Variants in ANXA4 observed in about 807,000 individuals in gnomAD.
ANXA4 encodes the protein 35-beta calcimedin.
In ANXA4, 39 loss-of-function variants were observed where a neutral mutation model predicts 49.8. The observed-to-expected ratio is 0.78, with a 90% CI of 0.61 to 1.02. The LOEUF (loss-of-function observed/expected upper bound fraction) is 1.02, where lower values mean the gene tolerates loss of function less well. Among genes scored for constraint, ANXA4 ranks in the 50% least tolerant of loss-of-function variants. The pLI, the probability that ANXA4 is intolerant of heterozygous loss-of-function variation, is 0.00. For synonymous variants in ANXA4, 134 were observed against 152.5 expected (o/e 0.88, Z 0.89); for missense variants, 360 against 410.1 (o/e 0.88, Z 1.05).
chr2:69,668,115 G>A (rs1033326899), intron 2 of ANXA4, among the ~76,000 whole-genome samples: 2 of 152,116 alleles, frequency 1.3e-5, no homozygotes, highest in Non-Finnish European at 2.9e-5. Context: ...GTGTGGAGCC[G>A]GGTAGCCTTT....
intron 1 of ANXA4, among the ~76,000 whole-genome samples, chr2:69,777,351 C>G (rs116774442): frequency 0.01 from 1,587 of 152,318 alleles, 35 homozygotes; most frequent in African/African-American, 0.036. Context: ...AATTCCAACT[C>G]TTTAATCACA....
chr2:69,810,110 G>A (rs1217235152), intron 6 of ANXA4: 2 of 155,550 alleles, frequency 1.3e-5, no homozygotes, highest in African/African-American at 4.8e-5. Context: ...TACAATCCCA[G>A]AACTTTGGGA....
At chr2:69,663,291 GCCTTTTTTTT>G (rs1331985092) in intron 2 of ANXA4, among the ~76,000 whole-genome samples, 16 of 65,500 alleles carry the variant, frequency 2.4e-4, no homozygotes, top group African/African-American at 1.0e-3. Flanking sequence ...AATGCACCCG[GCCTTTTTTTT>G]TTTTTTTTTT....
At chr2:69,705,592 A>G (rs1245163815) in intron 2 of ANXA4, among the ~76,000 whole-genome samples, 1 of 152,236 alleles carries the variant, frequency 6.6e-6, no homozygotes, top group South Asian at 2.1e-4. Context: ...AGTTGTTAAC[A>G]TATTAACACT....
intron 2 of ANXA4, among the ~76,000 whole-genome samples, chr2:69,699,282 A>G (rs1678257692): frequency 6.6e-6 from 1 of 152,174 alleles, no homozygotes; most frequent in Non-Finnish European, 1.5e-5. Context: ...GTGCACTCAG[A>G]GAAGGGAGTT....
chr2:69,787,422 T>C (rs985299558), intron 2 of ANXA4, among the ~76,000 whole-genome samples: 2 of 152,264 alleles, frequency 1.3e-5, no homozygotes, highest in African/African-American at 4.8e-5. Flanking sequence ...TTTTAAGTGC[T>C]GTGTCTGAGA....
intron 12 of ANXA4, among the ~76,000 whole-genome samples, chr2:69,821,678 C>A (rs1322155357): frequency 6.6e-6 from 1 of 152,082 alleles, no homozygotes; most frequent in African/African-American, 2.4e-5. Context: ...TCTTGAACTC[C>A]TGACCTCAAG....
At chr2:69,820,966 T>A (rs1014110435) in intron 12 of ANXA4, 145 bp downstream of exon 12, 7 of 943,022 alleles carry the variant, frequency 7.4e-6, no homozygotes, top group African/African-American at 1.7e-5. Context: ...GTCTCTCCTC[T>A]TTCACACAGA....
At chr2:69,654,951 C>T (rs912004469) in intron 2 of ANXA4, among the ~76,000 whole-genome samples, 8 of 152,094 alleles carry the variant, frequency 5.3e-5, no homozygotes, top group Admixed American at 1.3e-4. Context: ...TAATAAATGG[C>T]GATGGGAAAA....
chr2:69,691,936 A>C (rs185732535), intron 2 of ANXA4, among the ~76,000 whole-genome samples: 55 of 152,262 alleles, frequency 3.6e-4, no homozygotes, highest in Middle Eastern at 3.4e-3. Context: ...CCCAGGCTGG[A>C]GTGCAGTGGC....
chr2:69,644,165 T>TTCGCGCCCCCCCCCCCCC (rs1553424953), upstream of ANXA4, among the ~76,000 whole-genome samples: 5 of 21,116 alleles, frequency 2.4e-4, 2 homozygotes, highest in African/African-American at 8.5e-4. Context: ...ACAACTAAGT[T>TTCGCGCCCCCCCCCCCCC]CCCCCCCCCC....
intron 12 of ANXA4, among the ~76,000 whole-genome samples, chr2:69,824,573 C>A (rs1308061168): frequency 6.7e-6 from 1 of 150,016 alleles, no homozygotes; most frequent in Non-Finnish European, 1.5e-5. Flanking sequence ...GAAAATTTAT[C>A]CAGAATAAAT....
intron 3 of ANXA4, among the ~76,000 whole-genome samples, chr2:69,732,485 G>A (rs546243785): frequency 5.9e-5 from 9 of 151,674 alleles, no homozygotes; most frequent in South Asian, 2.1e-4. Flanking sequence ...TTGGCTGGGC[G>A]TGGTGGCTCA....
chr2:69,668,479 T>G (rs1043919055), intron 2 of ANXA4, among the ~76,000 whole-genome samples: 4 of 152,150 alleles, frequency 2.6e-5, no homozygotes, highest in Admixed American at 2.6e-4. Flanking sequence ...GTATGAATTG[T>G]CCCTTTCCTA....
At chr2:69,698,342 A>C (rs1037332405) in intron 2 of ANXA4, among the ~76,000 whole-genome samples, 2 of 152,236 alleles carry the variant, frequency 1.3e-5, no homozygotes, top group African/African-American at 4.8e-5. Flanking sequence ...ATGGAAGATG[A>C]AGCCCAGCTT....
At chr2:69,663,440 G>A (rs1265268480) in intron 2 of ANXA4, among the ~76,000 whole-genome samples, 1 of 150,930 alleles carries the variant, frequency 6.6e-6, no homozygotes. Context: ...AATGAAATGA[G>A]GAAGAAAAAG....
chr2:69,684,606 T>G (rs1399122591), intron 2 of ANXA4, among the ~76,000 whole-genome samples: 1 of 150,292 alleles, frequency 6.7e-6, no homozygotes, highest in Non-Finnish European at 1.5e-5. Flanking sequence ...GAGGATTACT[T>G]GAAACCAGGA....
At chr2:69,733,955 A>T (rs1435275821) in intron 3 of ANXA4, among the ~76,000 whole-genome samples, 219 of 142,428 alleles carry the variant, frequency 1.5e-3, no homozygotes, top group African/African-American at 5.4e-3. Flanking sequence ...GGGATGAGCT[A>T]TTTTTTTTTT....
At chr2:69,769,333 CA>C (rs1671622436) in intron 1 of ANXA4, among the ~76,000 whole-genome samples, 1 of 152,048 alleles carries the variant, frequency 6.6e-6, no homozygotes, top group South Asian at 2.1e-4. Flanking sequence ...CCTCTTAAGA[CA>C]AGATAGAACT....
Sources: allele counts gnomAD v4.1 joint callset (sites outside exome capture counted in the v4.1 genomes callset), GRCh38; gene constraint gnomAD v4.1.1; transcripts MANE v1.5; gene names NCBI Gene and HGNC (gene_info 2026-07-23, HGNC 2026-07-21).